Variants in ADTRP observed in about 807,000 individuals in gnomAD.
ADTRP encodes androgen-dependent TFPI-regulating protein.
A neutral mutation model predicts 27.0 loss-of-function variants in ADTRP; 20 were observed. The observed-to-expected ratio is 0.74, with a 90% CI of 0.52 to 1.08. The LOEUF (loss-of-function observed/expected upper bound fraction) is 1.08. Among genes scored for constraint, ADTRP ranks in the 50% least tolerant of loss-of-function variants. The pLI is 0.00. For synonymous variants in ADTRP, 101 were observed against 105.2 expected (o/e 0.96, Z 0.25); for missense variants, 251 against 275.0 (o/e 0.91, Z 0.62).
At chr6:11,758,568 T>C in intron 3 of ADTRP, among the ~76,000 whole-genome samples, 1 of 8,524 alleles carries the variant, frequency 1.2e-4, no homozygotes, top group Non-Finnish European at 2.5e-4. Flanking sequence ...CGGGGACTGT[T>C]GTGGGGTGGG....
chr6:11,766,176 G>T, intron 3 of ADTRP, 98 bp downstream of exon 3: 1 of 869,026 alleles, frequency 1.2e-6, no homozygotes, highest in Non-Finnish European at 1.8e-6. Flanking sequence ...ATTGGATGCT[G>T]GGAATTGAGA....
At chr6:11,762,444 G>A (rs771473627) in intron 3 of ADTRP, among the ~76,000 whole-genome samples, 9 of 152,210 alleles carry the variant, frequency 5.9e-5, no homozygotes, top group Non-Finnish European at 1.0e-4. Flanking sequence ...CACGCATAGT[G>A]GTACTTAACT....
At position 11,768,290 on chromosome 6, in the gene ADTRP, T is replaced by C; in HGVS notation, c.247A>G (p.Arg83Gly). Residue 83 changes from arginine to glycine, a missense_variant, in exon 2 of 6, where the codon AGA becomes GGA. Arg to Gly is a moderately radical substitution (Grantham distance 125). Transcript: ENST00000414691. ...GCCAGAGTGGTGAAAAGCAGGTCTC[T>C]GAAGGCAGTTAGGAACTTAATGTCT... ...GKDIKFLTAFRDLLFTTLAFP... is the reference protein window; with the variant it reads ...GKDIKFLTAFGDLLFTTLAFP... 1 of 1,614,258 alleles carries C rather than the reference T, an allele frequency of 6.2e-7. No homozygotes were observed. Among genetic ancestry groups the C allele is most frequent in the South Asian group, 1.1e-5 (1 of 91,088 alleles).
intron 4 of ADTRP, among the ~76,000 whole-genome samples, chr6:11,730,031 C>T (rs761266092): frequency 2.6e-5 from 4 of 152,068 alleles, no homozygotes; most frequent in Non-Finnish European, 4.4e-5. Flanking sequence ...CTCTTCATGC[C>T]GTTATTATTT....
chr6:11,777,353 T>C (rs1763990851), intron 1 of ADTRP, among the ~76,000 whole-genome samples: 1 of 152,156 alleles, frequency 6.6e-6, no homozygotes, highest in African/African-American at 2.4e-5. Context: ...ACATTCATAC[T>C]GGAATTGGAT....
chr6:11,731,925 A>G (rs774040917), intron 4 of ADTRP, among the ~76,000 whole-genome samples: 1 of 152,178 alleles, frequency 6.6e-6, no homozygotes, highest in Non-Finnish European at 1.5e-5. Flanking sequence ...TATTTATTCA[A>G]TAAAAGAAAG....
intron 5 of ADTRP, among the ~76,000 whole-genome samples, chr6:11,718,444 A>C (rs1199594133): frequency 8.8e-6 from 1 of 114,192 alleles, no homozygotes; most frequent in Non-Finnish European, 2.3e-5. Flanking sequence ...TCAATCATCA[A>C]AGAAAAAAAA....
At chr6:11,717,212 G>A in intron 5 of ADTRP, 1 of 1,194,780 alleles carries the variant, frequency 8.4e-7, no homozygotes. Context: ...CTAGTTGGCA[G>A]ATAGGAAGTT....
At position 11,766,391 on chromosome 6, in the gene ADTRP, C is replaced by CA; in HGVS notation, c.289-17dup. 2 of 1,567,486 alleles carry CA rather than the reference C, an allele frequency of 1.3e-6. No individual in the cohort carries two copies. Among genetic ancestry groups the CA allele is most frequent in the Non-Finnish European group, 1.8e-6 (2 of 1,141,926 alleles). ...AAAATACAAACTGGAAAATAAAACA[C>CA]AAAAAATAGCATCATTAGGCTTGTT... On this transcript the variant is annotated splice_polypyrimidine_tract_variant and intron_variant, in intron 2 of 5. Transcript: ENST00000414691.
chr6:11,772,109 A>G (rs1763802365), intron 1 of ADTRP, among the ~76,000 whole-genome samples: 1 of 152,226 alleles, frequency 6.6e-6, no homozygotes, highest in African/African-American at 2.4e-5. Context: ...GCCGCCCAGA[A>G]AAGCCCAGAC....
intron 3 of ADTRP, among the ~76,000 whole-genome samples, chr6:11,759,508 A>ATTT (rs1763333317): frequency 2.0e-5 from 3 of 150,656 alleles, no homozygotes; most frequent in Admixed American, 2.0e-4. Flanking sequence ...TTTTTTTTTA[A>ATTT]AAAAGAAAAT....
At chr6:11,743,743 G>C (rs760569899) in intron 3 of ADTRP, among the ~76,000 whole-genome samples, 27 of 152,072 alleles carry the variant, frequency 1.8e-4, no homozygotes, top group Non-Finnish European at 3.5e-4. Flanking sequence ...ATTAATGAAC[G>C]AATCAATGAA....
Position 11,722,056 on chromosome 6 carries a change from T to A in ADTRP, c.658+1293A>T, listed in dbSNP as rs1385039316. Among the ~76,000 whole-genome samples the A allele has an allele frequency of 3.9e-5, 6 of 152,238 alleles. No individual in the cohort carries two copies. The South Asian group carries it at 1.2e-3, about 32-fold the overall frequency. On this transcript the variant is annotated intron_variant, in intron 5 of 5. Transcript: ENST00000414691. Reference sequence around the variant, plus strand: ...AGAGAGAGAGAGATTTGGGGAGGCATCAGAAATCTTTACCCAGAACTTCAA... The same window carrying A: ...AGAGAGAGAGAGATTTGGGGAGGCAACAGAAATCTTTACCCAGAACTTCAA...
intron 1 of ADTRP, among the ~76,000 whole-genome samples, chr6:11,775,667 A>C (rs1237648317): frequency 1.3e-5 from 2 of 152,120 alleles, no homozygotes; most frequent in Non-Finnish European, 2.9e-5. Context: ...CTTAGCCACT[A>C]CCACCAACCC....
intron 3 of ADTRP, among the ~76,000 whole-genome samples, chr6:11,760,351 T>C (rs766455528): frequency 6.6e-6 from 1 of 152,132 alleles, no homozygotes; most frequent in Non-Finnish European, 1.5e-5. Context: ...TACAAGGTCA[T>C]CATATTCACC....
chr6:11,723,404 G>A lies in ADTRP; in HGVS notation c.603C>T (p.Tyr201=), dbSNP rs1167804603. The change falls in exon 5 of 6, where the codon TAC becomes TAT. Residue 201 remains tyrosine, a synonymous_variant. Transcript: ENST00000414691. ...LGLAAFFSLS[Y]VFIASIYLLG... ...GTAGGTAGATGCTGGCGATGAAGAC[G>A]TAGCTGAGAGAGAAGAAAGCTGCTA... 11 of 1,614,044 alleles carry A rather than the reference G, an allele frequency of 6.8e-6. No individual in the cohort carries two copies. Among genetic ancestry groups the A allele is most frequent in the Non-Finnish European group, 8.5e-6 (10 of 1,180,030 alleles).
chr6:11,766,217 G>A lies in ADTRP; in HGVS notation c.390+57C>T, dbSNP rs1034569913. 1.4e-5 allele frequency: 19 copies of A among 1,327,550 alleles called. No homozygotes were observed. In the African/African-American group the frequency reaches 2.1e-4, roughly 14 times the overall value. The allele number at this position is 1,327,550 out of a possible 1,614,324, so 82.2% of individuals were successfully genotyped here. ...GGAAACATAGATAAGGCACTGTGGAGTTTTCAGTACAGAGGCTATTGGTGT... is the reference window on the plus strand; with the variant it reads ...GGAAACATAGATAAGGCACTGTGGAATTTTCAGTACAGAGGCTATTGGTGT... On this transcript the variant is annotated intron_variant, in intron 3 of 5. Coordinates refer to ENST00000414691, the MANE Select transcript of ADTRP (RefSeq NM_032744.4).
intron 5 of ADTRP, among the ~76,000 whole-genome samples, chr6:11,715,022 A>T (rs1034381935): frequency 6.6e-6 from 1 of 152,234 alleles, no homozygotes; most frequent in African/African-American, 2.4e-5. Context: ...GAGGGGCATT[A>T]TTCTACTGAA....
chr6:11,734,622 G>A (rs1040270472), intron 4 of ADTRP, among the ~76,000 whole-genome samples: 3 of 152,144 alleles, frequency 2.0e-5, no homozygotes, highest in African/African-American at 7.2e-5. Flanking sequence ...GATGAGGTCT[G>A]GGCACCAAGT....
Sources: allele counts gnomAD v4.1 joint callset (sites outside exome capture counted in the v4.1 genomes callset), GRCh38; gene constraint gnomAD v4.1.1; transcripts MANE v1.5; gene names NCBI Gene and HGNC (gene_info 2026-07-23, HGNC 2026-07-21).